GALNT13: variants seen among roughly 807,000 people sequenced by gnomAD.
GALNT13 encodes UDP-GalNAc:polypeptide N-acetylgalactosaminyltransferase 13.
In GALNT13, 28 loss-of-function variants were observed where a neutral mutation model predicts 64.2. That is an observed-to-expected ratio of 0.44 (90% CI 0.32 to 0.60). The LOEUF is 0.60. GALNT13 is among the 20% of genes least tolerant of loss of function. The pLI is 0.05. For missense variants in GALNT13, 577 were observed against 669.8 expected, an observed-to-expected ratio of 0.86 and a Z score of 1.53; for synonymous variants, 214 against 224.6, an observed-to-expected ratio of 0.95 and a Z score of 0.42.
chr2:154,151,794 T>A (rs1684044721), intron 4 of GALNT13, among the ~76,000 whole-genome samples: 1 of 152,330 alleles, frequency 6.6e-6, no homozygotes, highest in South Asian at 2.1e-4. Context: ...TAGATCTTCC[T>A]CCATCCTTTT....
In GALNT13 at chr2:154,089,636, CT is replaced by C. The variant is rs547772002; in HGVS notation, c.143-50699del. On this transcript the variant is annotated intron_variant, in intron 3 of 12. Coordinates refer to ENST00000392825, the MANE Select transcript of GALNT13 (RefSeq NM_052917.4). The stretch of plus-strand genomic sequence containing the variant: ...TGGACGGATAGGGAGCCCTATTGTT[CT>C]TGGCTGCACCCATCTGGAGTGGCGC... 1.6e-4 allele frequency among the ~76,000 whole-genome samples: 24 copies of C among 152,166 alleles called. No homozygotes were observed. In the South Asian group the frequency reaches 5.0e-3, roughly 32 times the overall value.
chr2:153,701,704 A>G, the GALNT13 span, among the ~76,000 whole-genome samples: 4 of 152,170 alleles, frequency 2.6e-5, no homozygotes, highest in African/African-American at 9.7e-5. Context: ...AAAGACACGT[A>G]TATGGTCAAT....
the GALNT13 span, among the ~76,000 whole-genome samples, chr2:153,075,437 A>G: frequency 6.6e-6 from 1 of 152,292 alleles, no homozygotes; most frequent in South Asian, 2.1e-4. Context: ...TTTTTCTTAC[A>G]ATTCAGATAA....
At chr2:153,368,861 C>T in the GALNT13 span, among the ~76,000 whole-genome samples, 904 of 151,424 alleles carry the variant, frequency 6.0e-3, 6 homozygotes, top group African/African-American at 0.021. Context: ...CCCAGAAAAG[C>T]AGCACATACT....
At chr2:153,363,298 G>C in the GALNT13 span, among the ~76,000 whole-genome samples, 1 of 152,022 alleles carries the variant, frequency 6.6e-6, no homozygotes. Context: ...ATCGCAAATT[G>C]ACACCCTAAC....
At chr2:153,355,809 T>A in the GALNT13 span, among the ~76,000 whole-genome samples, 2 of 152,228 alleles carry the variant, frequency 1.3e-5, no homozygotes, top group East Asian at 3.8e-4. Context: ...TCCAGAGTTT[T>A]CAAAAGACTG....
the GALNT13 span, among the ~76,000 whole-genome samples, chr2:153,250,511 T>C: frequency 6.6e-6 from 1 of 152,114 alleles, no homozygotes; most frequent in Non-Finnish European, 1.5e-5. Context: ...TACCATTTGA[T>C]CCATCAGTTC....
At chr2:153,237,293 G>T in the GALNT13 span, among the ~76,000 whole-genome samples, 1 of 151,914 alleles carries the variant, frequency 6.6e-6, no homozygotes, top group South Asian at 2.1e-4. Context: ...TTACATCAGG[G>T]TAAATGGGGT....
chr2:153,085,887 A>G, the GALNT13 span, among the ~76,000 whole-genome samples: 17 of 152,160 alleles, frequency 1.1e-4, no homozygotes, highest in African/African-American at 3.1e-4. Context: ...CAGATACTCA[A>G]TGCCAGCCTG....
At chr2:153,982,563 G>C (rs796851741) in intron 3 of GALNT13, among the ~76,000 whole-genome samples, 1 of 152,002 alleles carries the variant, frequency 6.6e-6, no homozygotes, top group Non-Finnish European at 1.5e-5. Context: ...TTTCTGCATA[G>C]CATCTGTCAG....
chr2:154,032,958 G>A (rs779278352), intron 3 of GALNT13, among the ~76,000 whole-genome samples: 26 of 149,476 alleles, frequency 1.7e-4, no homozygotes, highest in South Asian at 1.3e-3. Context: ...AGATTGTTGG[G>A]GATTTTCTAC....
intron 10 of GALNT13, 88 bp from the exon 11 acceptor site, chr2:154,408,896 C>T: frequency 1.3e-6 from 1 of 788,300 alleles, no homozygotes; most frequent in South Asian, 1.5e-5. Context: ...ATTCAGTTAA[C>T]AATAGATAGT....
chr2:153,833,695 T>G, the GALNT13 span, among the ~76,000 whole-genome samples: 1 of 152,112 alleles, frequency 6.6e-6, no homozygotes, highest in African/African-American at 2.4e-5. Flanking sequence ...GAATCTTTCA[T>G]AGACAAGGGA....
At chr2:154,387,895 T>C (rs1698592883) in intron 9 of GALNT13, among the ~76,000 whole-genome samples, 1 of 152,190 alleles carries the variant, frequency 6.6e-6, no homozygotes, top group African/African-American at 2.4e-5. Context: ...CGAGTGCAGA[T>C]ATCCCTTTGA....
chr2:153,549,702 C>A, the GALNT13 span, among the ~76,000 whole-genome samples: 2 of 152,180 alleles, frequency 1.3e-5, no homozygotes, highest in South Asian at 4.1e-4. Flanking sequence ...ATTGCCTACC[C>A]ATGGGCTCCT....
the GALNT13 span, among the ~76,000 whole-genome samples, chr2:153,654,227 G>C: frequency 2.0e-5 from 3 of 152,062 alleles, no homozygotes; most frequent in African/African-American, 7.2e-5. Flanking sequence ...AATAATTGGT[G>C]TGAAAAATAT....
the GALNT13 span, among the ~76,000 whole-genome samples, chr2:153,512,116 AG>A: frequency 6.6e-6 from 1 of 152,094 alleles, no homozygotes; most frequent in Non-Finnish European, 1.5e-5. Context: ...TGGAATTGGA[AG>A]GCTTACCTAT....
At chr2:153,695,157 C>A in the GALNT13 span, among the ~76,000 whole-genome samples, 1 of 152,116 alleles carries the variant, frequency 6.6e-6, no homozygotes, top group Non-Finnish European at 1.5e-5. Context: ...GGAAGCTCAA[C>A]AGAGACTCAG....
chr2:153,201,977 T>TC, the GALNT13 span, among the ~76,000 whole-genome samples: 1 of 131,062 alleles, frequency 7.6e-6, no homozygotes, highest in East Asian at 2.2e-4. Flanking sequence ...CCATTTCTTT[T>TC]TTTTTTTTTT....
Sources: gnomAD v4.1 joint callset for allele counts (sites outside exome capture counted in the v4.1 genomes callset) on GRCh38, gnomAD v4.1.1 for gene constraint, MANE v1.5 for transcripts, NCBI Gene and HGNC (gene_info 2026-07-23, HGNC 2026-07-21) for gene names.